MFAP5: variants seen among roughly 807,000 people sequenced by gnomAD.
The protein encoded by MFAP5 is microfibril associated protein 5.
Under a neutral mutation model 30.1 loss-of-function variants are expected in MFAP5, and 19 were observed. The ratio of observed to expected loss-of-function variants is 0.63; its 90% confidence interval spans 0.44 to 0.93. MFAP5 has a LOEUF of 0.93. Ranked by LOEUF, MFAP5 falls within the 40% of genes least tolerant of loss-of-function variation. The probability of loss-of-function intolerance (pLI) is 0.00; values close to 1 mark genes in which losing one functional copy is unlikely to be tolerated. For missense variants in MFAP5, 210 were observed against 221.3 expected, an observed-to-expected ratio of 0.95 and a Z score of 0.32; for synonymous variants, 92 against 72.9, an observed-to-expected ratio of 1.26 and a Z score of -1.33.
chr12:8,659,320 A>T (rs1351838938), intron 3 of MFAP5, among the ~76,000 whole-genome samples: 14 of 151,202 alleles, frequency 9.3e-5, no homozygotes, highest in Non-Finnish European at 1.5e-4. Context: ...AAAAAAAAAA[A>T]AAATAAAAGG....
At chr12:8,657,648 C>T (rs932971572) in intron 3 of MFAP5, among the ~76,000 whole-genome samples, 13 of 148,700 alleles carry the variant, frequency 8.7e-5, no homozygotes, top group African/African-American at 3.2e-4. Flanking sequence ...TCTCGGCTCA[C>T]TGCAACCTCC....
intron 3 of MFAP5, among the ~76,000 whole-genome samples, chr12:8,659,241 G>A (rs978681699): frequency 1.3e-5 from 2 of 151,804 alleles, no homozygotes; most frequent in Non-Finnish European, 2.9e-5. Context: ...TTGGGAGATG[G>A]AGGTTGCAGT....
At chr12:8,648,225 A>G in intron 9 of MFAP5, 22 bp from the exon 10 acceptor site, 2 of 1,569,044 alleles carry the variant, frequency 1.3e-6, no homozygotes, top group Non-Finnish European at 1.8e-6. Context: ...GCAGAACATC[A>G]TGGGAAGAGA....
chr12:8,648,947 A>C (rs760044148), intron 9 of MFAP5, among the ~76,000 whole-genome samples: 2 of 152,308 alleles, frequency 1.3e-5, no homozygotes, highest in Non-Finnish European at 2.9e-5. Flanking sequence ...GCCCCATAAC[A>C]TCTTTCTACC....
Position 8,656,625 on chromosome 12 carries a change from T to C in MFAP5, c.95-795A>G, listed in dbSNP as rs10661435. On this transcript the variant is annotated intron_variant, in intron 3 of 9. Coordinates refer to ENST00000359478, the MANE Select transcript of MFAP5 (RefSeq NM_003480.4). ...ACACACACACATATATATACACACA[T>C]ACACACACACACACACACACACACA... Among the ~76,000 whole-genome samples, 259 of 121,248 alleles carry C rather than the reference T, an allele frequency of 2.1e-3. 10 individuals are homozygous for C. The highest frequency in any genetic ancestry group is 8.6e-3 in the African/African-American group (236 of 27,294). The allele number at this position is 121,248 out of a possible 152,430, so 79.5% of individuals were successfully genotyped here. A position where few individuals can be genotyped will look rare whatever the true frequency, so the allele number is the denominator to read the frequency against.
In MFAP5 at chr12:8,647,238, A is replaced by G. The variant is rs1033980873; in HGVS notation, c.*853T>C. 2 of 152,246 alleles carry G rather than the reference A, an allele frequency of 1.3e-5. No homozygotes were observed. Among genetic ancestry groups the G allele is most frequent in the African/African-American group, 2.4e-5 (1 of 41,462 alleles). 9.4% of individuals were successfully genotyped at this position (152,246 alleles called of 1,614,324 possible). ...GTGAAGATGAACGAAGTAGCAACTC[A>G]AGGAAACGTCAACCAATGGTATGAT... On this transcript the variant is annotated 3_prime_UTR_variant, in exon 10 of 10. Transcript: ENST00000359478.
In MFAP5 at chr12:8,649,614, AAG is replaced by A. The variant is rs752770204; in HGVS notation, c.336-42_336-41del. 37 of 1,580,182 alleles carry A rather than the reference AAG, an allele frequency of 2.3e-5. No homozygotes were observed. The Admixed American group carries it at 6.2e-4, about 26-fold the overall frequency. On this transcript the variant is annotated intron_variant, in intron 8 of 9. Transcript: ENST00000359478. ...GTGTCATAGGCAAGGAAGGAGATGG[AAG>A]AAAGCCTTGAGAGGAGAACTCACCT...
Position 8,646,836 on chromosome 12 carries a change from T to C in MFAP5, c.*1255A>G, listed in dbSNP as rs1447170745. 6.6e-6 allele frequency: 1 copy of C among 152,130 alleles called. No individual in the cohort carries two copies. The highest frequency in any genetic ancestry group is 1.9e-4 in the East Asian group (1 of 5,198). The allele number at this position is 152,130 out of a possible 1,614,324, so 9.4% of individuals were successfully genotyped here. On this transcript the variant is annotated 3_prime_UTR_variant, in exon 10 of 10. Coordinates refer to ENST00000359478, the MANE Select transcript of MFAP5 (RefSeq NM_003480.4). ...TTTTAGTAGAGATGGGGTTTCACCA[T>C]GTTGGCCAGGCTCGTCTCAAATTTC...
chr12:8,650,353 T>G, intron 8 of MFAP5, 149 bp downstream of exon 8: 1 of 676,538 alleles, frequency 1.5e-6, no homozygotes, highest in Non-Finnish European at 2.7e-6. Flanking sequence ...CAGGTTCTAG[T>G]TGGTACATTC....
rs1231655735 is a variant in MFAP5, at chr12:8,662,697, T to C, written c.-73A>G. ...ATGTGTCTCTCTCCTCTTACGCTGT[T>C]CCTACTTTGGCTGGCGAATAAGATG... is the stretch of plus-strand genomic sequence containing the variant. On this transcript the variant is annotated 5_prime_UTR_variant, in exon 1 of 10. Coordinates refer to ENST00000359478, the MANE Select transcript of MFAP5 (RefSeq NM_003480.4). 3 of 152,594 alleles carry C rather than the reference T, an allele frequency of 2.0e-5. No homozygotes were observed. The highest frequency in any genetic ancestry group is 4.4e-5 in the Non-Finnish European group (3 of 68,412). 9.5% of individuals were successfully genotyped at this position (152,594 alleles called of 1,614,324 possible). A position where few individuals can be genotyped will look rare whatever the true frequency, so the allele number is the denominator to read the frequency against.
chr12:8,654,261 G>T, intron 6 of MFAP5, 176 bp downstream of exon 6: 1 of 578,800 alleles, frequency 1.7e-6, no homozygotes, highest in Non-Finnish European at 3.0e-6. Context: ...CACAGTTCCT[G>T]TTTGTCAGGT....
At chr12:8,662,450 CA>C (rs1324539775) in intron 1 of MFAP5, 176 bp downstream of exon 1, 1 of 246,052 alleles carries the variant, frequency 4.1e-6, no homozygotes, top group East Asian at 1.1e-4. Context: ...GTGACTTTTT[CA>C]TATCATCTGC....
chr12:8,661,946 C>G (rs1942162772), intron 2 of MFAP5, 101 bp downstream of exon 2: 2 of 1,125,902 alleles, frequency 1.8e-6, no homozygotes, highest in Non-Finnish European at 2.7e-6. Context: ...CCAAGCATCT[C>G]TACTGCTATT....
chr12:8,648,246 T>C (rs981439287), intron 9 of MFAP5, 43 bp from the exon 10 acceptor site: 4 of 1,486,392 alleles, frequency 2.7e-6, no homozygotes, highest in Non-Finnish European at 3.7e-6. Context: ...ATGCAGAAGA[T>C]AACAAAGGCT....
intron 2 of MFAP5, 139 bp downstream of exon 2, chr12:8,661,908 C>G (rs1036883781): frequency 1.2e-6 from 1 of 866,264 alleles, no homozygotes; most frequent in African/African-American, 1.7e-5. Context: ...AAAATCTGTT[C>G]TTCTAATAGG....
intron 8 of MFAP5, chr12:8,650,286 A>G: frequency 1.9e-6 from 1 of 537,316 alleles, no homozygotes; most frequent in Non-Finnish European, 3.4e-6. Context: ...GCCCACCTTC[A>G]TTTCCCTTCT....
At chr12:8,652,487 TGA>T (rs1941863730) in intron 6 of MFAP5, among the ~76,000 whole-genome samples, 1 of 151,056 alleles carries the variant, frequency 6.6e-6, no homozygotes, top group Non-Finnish European at 1.5e-5. Context: ...TAAAGAATAA[TGA>T]GAGTCATCCT....
rs1357606533 is a variant in MFAP5 at position 8,655,403 on chromosome 12, G to A, written c.172+12C>T. 1.2e-5 allele frequency: 19 copies of A among 1,584,750 alleles called. No individual in the cohort carries two copies. Among genetic ancestry groups the A allele is most frequent in the East Asian group, 9.0e-5 (4 of 44,520 alleles). On this transcript the variant is annotated intron_variant, in intron 5 of 9. Coordinates refer to ENST00000359478, the MANE Select transcript of MFAP5 (RefSeq NM_003480.4). Reference sequence around the variant, plus strand: ...ACCATGCCATTTTTTTTTTAACTGCGGTAAAATTTACCTGTTTCATCTGTA... The same window carrying A: ...ACCATGCCATTTTTTTTTTAACTGCAGTAAAATTTACCTGTTTCATCTGTA...
chr12:8,649,370 G>A (rs1220617555), intron 9 of MFAP5, 131 bp downstream of exon 9: 1 of 710,016 alleles, frequency 1.4e-6, no homozygotes, highest in South Asian at 1.7e-5. Context: ...CTTCCAGCAG[G>A]AGCTGATGGA....
Sources: allele counts gnomAD v4.1 joint callset (sites outside exome capture counted in the v4.1 genomes callset), GRCh38; gene constraint gnomAD v4.1.1; transcripts MANE v1.5; gene names NCBI Gene and HGNC (gene_info 2026-07-23, HGNC 2026-07-21).